The following BCL2L14 variants were observed in gnomAD, a reference collection of about 807,000 sequenced individuals.
BCL2L14 encodes the protein apoptosis facilitator Bcl-2-like protein 14.
BCL2L14 carries 27 observed loss-of-function variants against 35.3 expected under a neutral mutation model. The ratio of observed to expected loss-of-function variants is 0.76; its 90% CI spans 0.56 to 1.05. BCL2L14 has a LOEUF of 1.05. BCL2L14 is among the 50% of genes least tolerant of loss of function. The probability of loss-of-function intolerance (pLI) is 0.00; values close to 1 mark genes in which losing one functional copy is unlikely to be tolerated. For missense variants in BCL2L14, 377 were observed against 382.6 expected, an observed-to-expected ratio of 0.99 and a Z score of 0.12; for synonymous variants, 139 against 145.9, an observed-to-expected ratio of 0.95 and a Z score of 0.34.
chr12:12,077,434 A>G (rs1393188125), intron 1 of BCL2L14, among the ~76,000 whole-genome samples: 1 of 151,592 alleles, frequency 6.6e-6, no homozygotes, highest in African/African-American at 2.4e-5. Context: ...GTTCCCAGCT[A>G]CTTGAGGGGC....
intron 2 of BCL2L14, among the ~76,000 whole-genome samples, chr12:12,086,946 C>T (rs77540503): frequency 6.6e-6 from 1 of 152,126 alleles, no homozygotes; most frequent in Non-Finnish European, 1.5e-5. Flanking sequence ...GGAAAGGAGA[C>T]CCTAATTTTG....
At chr12:12,090,661 G>T in intron 3 of BCL2L14, 118 bp from the exon 4 acceptor site, 44 of 558,300 alleles carry the variant, frequency 7.9e-5, no homozygotes, top group Middle Eastern at 4.1e-4. Context: ...AAAAAAAAAA[G>T]AATTAGCATG....
At chr12:12,050,672 A>G (rs2136702471) in intron 1 of BCL2L14, among the ~76,000 whole-genome samples, 1 of 151,736 alleles carries the variant, frequency 6.6e-6, no homozygotes, top group Non-Finnish European at 1.5e-5. Context: ...CAGAAACTAT[A>G]GCTTCGAGTC....
rs531991428 is a variant in BCL2L14 at position 12,062,382 on chromosome 12, C to A, written c.-272+10535C>A. Among the ~76,000 whole-genome samples the A allele has an allele frequency of 2.7e-5, 4 of 147,836 alleles. No individual in the cohort carries two copies. The East Asian group carries it at 7.8e-4, about 29-fold the overall frequency. On this transcript the variant is annotated intron_variant, in intron 2 of 3. Coordinates refer to the BCL2L14 transcript ENST00000461264. ...CTTGATTTATTGATGGCGGTTCCAC[C>A]AGGCCTAATTGCCACACACCAGCAA...
chr12:12,077,537 C>CAAAA (rs58644458), intron 1 of BCL2L14, among the ~76,000 whole-genome samples: 1 of 113,130 alleles, frequency 8.8e-6, no homozygotes, highest in Non-Finnish European at 1.8e-5. Flanking sequence ...AACTGAGTCT[C>CAAAA]AAAAAAAAAA....
Position 12,062,104 on chromosome 12 carries a change from T to G in BCL2L14, c.-272+10257T>G, listed in dbSNP as rs377650077. Among the ~76,000 whole-genome samples the G allele has an allele frequency of 6.0e-4, 91 of 152,172 alleles. No individual in the cohort carries two copies. In the East Asian group the frequency reaches 0.013, roughly 22 times the overall value. Reference sequence around the variant, plus strand: ...AACTATGCTCAACTTACTCTCTACATTTCTCATAACTTCCAAAATCTATTT... The same window carrying G: ...AACTATGCTCAACTTACTCTCTACAGTTCTCATAACTTCCAAAATCTATTT... On this transcript the variant is annotated intron_variant, in intron 2 of 3. Coordinates refer to the BCL2L14 transcript ENST00000461264.
At position 12,079,536 on chromosome 12, in the gene BCL2L14, C is replaced by T; in HGVS notation, c.231C>T (p.Ser77=). ...WTEVSWPCRN[S]QSSEKAINLG... ...AGGTGTCATGGCCTTGCAGAAATTC[C>T]CAATCCAGTGAGAAGGCCATAAACC... Residue 77 remains serine (S), a synonymous_variant, in exon 2 of 6, where the codon TCC becomes TCT. Transcript: ENST00000308721. The T allele has an allele frequency of 6.2e-7, 1 of 1,614,154 alleles. No homozygotes were observed. Among genetic ancestry groups the T allele is most frequent in the Non-Finnish European group, 8.5e-7 (1 of 1,180,036 alleles).
chr12:12,099,016 CTT>C lies in BCL2L14; in HGVS notation c.*30_*31del, dbSNP rs761517075. On this transcript the variant is annotated 3_prime_UTR_variant, in exon 6 of 6. Coordinates refer to ENST00000308721, the MANE Select transcript of BCL2L14 (RefSeq NM_138723.2). Reference sequence around the variant, plus strand: ...TATCAGATTTGTCATCAGGAATACTCTTTGTCTACTGTGGTCCTGTGCACGTT... The same window carrying C: ...TATCAGATTTGTCATCAGGAATACTCTGTCTACTGTGGTCCTGTGCACGTT... 16 of 1,552,220 alleles carry C rather than the reference CTT, an allele frequency of 1.0e-5. No individual in the cohort carries two copies. Among genetic ancestry groups the C allele is most frequent in the South Asian group, 4.5e-5 (4 of 89,734 alleles).
chr12:12,088,356 C>T lies in BCL2L14; in HGVS notation c.607+970C>T, dbSNP rs149214761. ...GTTTACATAGCATGGGGGAAGCTGG[C>T]CACCCCACCCTCATCTTATTACGCA... is the stretch of plus-strand genomic sequence containing the variant. On this transcript the variant is annotated intron_variant, in intron 3 of 5. Transcript: ENST00000308721. Among the ~76,000 whole-genome samples the T allele has an allele frequency of 3.3e-4, 50 of 152,194 alleles. No homozygotes were observed. In the East Asian group the frequency reaches 9.1e-3, roughly 28 times the overall value.
rs534358603 is a variant in BCL2L14, at chr12:12,095,967, T to G, written c.945+1037T>G. 1.2e-4 allele frequency: 119 copies of G among 985,378 alleles called. No individual in the cohort carries two copies. The African/African-American group carries it at 2.0e-3, about 17-fold the overall frequency. The allele number at this position is 985,378 out of a possible 1,614,324, so 61.0% of individuals were successfully genotyped here. On this transcript the variant is annotated intron_variant, in intron 5 of 5. Coordinates refer to ENST00000308721, the MANE Select transcript of BCL2L14 (RefSeq NM_138723.2). ...TAAGTATTCTAAACTTAAGCTGCCT[T>G]AGCTTATTCTAAAAGGAGGACAGGT...
upstream of BCL2L14, among the ~76,000 whole-genome samples, chr12:12,067,251 T>G (rs963163794): frequency 7.2e-5 from 11 of 152,082 alleles, no homozygotes; most frequent in African/African-American, 2.7e-4. Context: ...CAAAATAAGT[T>G]TATTAGAAGT....
At chr12:12,095,633 T>C in intron 5 of BCL2L14, 9 of 985,412 alleles carry the variant, frequency 9.1e-6, no homozygotes, top group Non-Finnish European at 1.1e-5. Context: ...TAGGCATTCC[T>C]AGGCGGACAG....
At position 12,090,862 on chromosome 12, in the gene BCL2L14, T is replaced by C. The variant is rs772113228; in HGVS notation, c.678+13T>C. 46 of 1,599,894 alleles carry C rather than the reference T, an allele frequency of 2.9e-5. No homozygotes were observed. Among genetic ancestry groups the C allele is most frequent in the Non-Finnish European group, 3.8e-5 (45 of 1,171,170 alleles). ...GTTGGAAAGAAAGGTATGGAACACC[T>C]TGAACTGATGCGATTGATTTCTGTG... On this transcript the variant is annotated intron_variant, in intron 4 of 5. Transcript: ENST00000308721.
At chr12:12,050,904 G>C (rs1948349475) in intron 1 of BCL2L14, among the ~76,000 whole-genome samples, 1 of 151,888 alleles carries the variant, frequency 6.6e-6, no homozygotes, top group African/African-American at 2.4e-5. Flanking sequence ...CACATTCAAA[G>C]CCATCCTGGG....
chr12:12,096,765 T>A (rs2448047), intron 5 of BCL2L14, among the ~76,000 whole-genome samples: 2 of 152,016 alleles, frequency 1.3e-5, no homozygotes, highest in Non-Finnish European at 2.9e-5. Context: ...AATTGGAACC[T>A]TTTATGTTGC....
At chr12:12,051,693 A>C (rs1044856613) in intron 1 of BCL2L14, 1 of 152,248 alleles carries the variant, frequency 6.6e-6, no homozygotes, top group African/African-American at 2.4e-5. Context: ...ATACAATCTT[A>C]ATACCCAATT....
chr12:12,082,762 T>C (rs1187256840), intron 2 of BCL2L14, among the ~76,000 whole-genome samples: 2 of 152,200 alleles, frequency 1.3e-5, no homozygotes, highest in African/African-American at 4.8e-5. Context: ...AAGAAGGCTT[T>C]AAACACATAT....
chr12:12,075,682 C>T lies in BCL2L14; in HGVS notation c.-7-3617C>T, dbSNP rs1948766570. On this transcript the variant is annotated intron_variant, in intron 1 of 5. Transcript: ENST00000308721. ...TCTGGTGAACTACCCGCCTTGGCCTCCCAAAGTGCTAGGATTACAGGCGTG... is the reference window on the plus strand; with the variant it reads ...TCTGGTGAACTACCCGCCTTGGCCTTCCAAAGTGCTAGGATTACAGGCGTG... Among the ~76,000 whole-genome samples, 3 of 152,156 alleles carry T rather than the reference C, an allele frequency of 2.0e-5. No individual in the cohort carries two copies. The South Asian group carries it at 6.2e-4, about 32-fold the overall frequency.
intron 1 of BCL2L14, among the ~76,000 whole-genome samples, chr12:12,077,098 C>T (rs1410749864): frequency 6.6e-6 from 1 of 152,134 alleles, no homozygotes; most frequent in Non-Finnish European, 1.5e-5. Context: ...CCTGGTATGA[C>T]AAGGTACAGT....
Sources: allele counts gnomAD v4.1 joint callset (sites outside exome capture counted in the v4.1 genomes callset), GRCh38; gene constraint gnomAD v4.1.1; transcripts MANE v1.5; gene names NCBI Gene and HGNC (gene_info 2026-07-23, HGNC 2026-07-21).